The following PHYHIPL variants were observed in gnomAD, a reference collection of about 807,000 sequenced individuals.
PHYHIPL encodes phytanoyl-CoA 2-hydroxylase interacting protein like.
A neutral mutation model predicts 33.4 loss-of-function variants in PHYHIPL; 9 were observed. That is an observed-to-expected ratio of 0.27 (90% CI 0.16 to 0.47). PHYHIPL has a LOEUF of 0.47. Among genes scored for constraint, PHYHIPL ranks in the 20% least tolerant of loss-of-function variants. The pLI is 0.99. For synonymous variants in PHYHIPL, 153 were observed against 154.1 expected (o/e 0.99, Z 0.05); for missense variants, 365 against 460.7 (o/e 0.79, Z 1.90).
At chr10:59,193,059 T>C (rs1032370409) in intron 1 of PHYHIPL, among the ~76,000 whole-genome samples, 2 of 152,154 alleles carry the variant, frequency 1.3e-5, no homozygotes, top group African/African-American at 4.8e-5. Context: ...CAAGTGTTCT[T>C]CCTTCATCTT....
intron 1 of PHYHIPL, among the ~76,000 whole-genome samples, chr10:59,185,747 G>T (rs1838577068): frequency 6.6e-6 from 1 of 152,258 alleles, no homozygotes; most frequent in South Asian, 2.1e-4. Context: ...GTGTCTGTTG[G>T]CTGCGTAAAT....
intron 2 of PHYHIPL, among the ~76,000 whole-genome samples, chr10:59,234,838 A>C (rs1433443844): frequency 2.6e-5 from 4 of 151,854 alleles, no homozygotes; most frequent in Non-Finnish European, 4.4e-5. Flanking sequence ...ATCCAAAGAA[A>C]AGACTCATTT....
intron 1 of PHYHIPL, among the ~76,000 whole-genome samples, chr10:59,178,489 C>T (rs1321526025): frequency 6.6e-6 from 1 of 152,028 alleles, no homozygotes; most frequent in Non-Finnish European, 1.5e-5. Flanking sequence ...TATGAAATGA[C>T]TTTTTGTAAT....
intron 1 of PHYHIPL, among the ~76,000 whole-genome samples, chr10:59,191,390 A>G (rs1838780227): frequency 6.6e-6 from 1 of 151,954 alleles, no homozygotes; most frequent in Admixed American, 6.6e-5. Flanking sequence ...GCAACATTTG[A>G]TAAGGTTTTC....
intron 1 of PHYHIPL, among the ~76,000 whole-genome samples, chr10:59,196,916 G>T (rs1838938063): frequency 6.6e-6 from 1 of 152,166 alleles, no homozygotes; most frequent in African/African-American, 2.4e-5. Context: ...TTTCTTAAAT[G>T]CGTATTTTAA....
At chr10:59,235,582 GCAGT>G (rs1185358531) in intron 2 of PHYHIPL, among the ~76,000 whole-genome samples, 2 of 151,824 alleles carry the variant, frequency 1.3e-5, no homozygotes, top group Non-Finnish European at 2.9e-5. Flanking sequence ...GCAAGATTGA[GCAGT>G]CATTATTTTT....
intron 1 of PHYHIPL, among the ~76,000 whole-genome samples, chr10:59,194,080 G>GTTTTT (rs778292956): frequency 4.5e-5 from 5 of 111,484 alleles, no homozygotes; most frequent in African/African-American, 7.0e-5. Context: ...TTACCTATAT[G>GTTTTT]TTTTTTTTTT....
At chr10:59,208,713 A>G (rs1005547810) in intron 1 of PHYHIPL, among the ~76,000 whole-genome samples, 1 of 152,136 alleles carries the variant, frequency 6.6e-6, no homozygotes, top group Non-Finnish European at 1.5e-5. Context: ...TAGAATAACC[A>G]GTTTAGAGAA....
intron 4 of PHYHIPL, 89 bp downstream of exon 4, chr10:59,238,794 A>G (rs1327872903): frequency 1.5e-6 from 1 of 682,626 alleles, no homozygotes; most frequent in Non-Finnish European, 2.4e-6. Flanking sequence ...GTTTTGTCGA[A>G]TAGCAATTCT....
At chr10:59,189,898 T>G (rs2133197601) in intron 1 of PHYHIPL, among the ~76,000 whole-genome samples, 1 of 152,004 alleles carries the variant, frequency 6.6e-6, no homozygotes, top group Non-Finnish European at 1.5e-5. Flanking sequence ...ATGCATAGCA[T>G]TTGGTATTGC....
intron 1 of PHYHIPL, among the ~76,000 whole-genome samples, chr10:59,231,954 A>C (rs1031022943): frequency 6.6e-6 from 1 of 152,214 alleles, no homozygotes; most frequent in Non-Finnish European, 1.5e-5. Context: ...GAAAAGTTCT[A>C]TTAATAAAGT....
rs199854033 is a variant in PHYHIPL at position 59,180,255 on chromosome 10, T to TACAC, written c.106+3297_106+3298insCACA. ...GTGCTTTTCGTCTTTTAATCATATA[T>TACAC]ATACACACACACACACACACACATA... On this transcript the variant is annotated intron_variant, in intron 1 of 4. Transcript: ENST00000373880. 4.0e-3 allele frequency among the ~76,000 whole-genome samples: 424 copies of TACAC among 105,004 alleles called. 2 individuals carry two copies. Among genetic ancestry groups the TACAC allele is most frequent in the African/African-American group, 0.017 (385 of 22,794 alleles). 68.9% of individuals were successfully genotyped at this position (105,004 alleles called of 152,430 possible).
intron 1 of PHYHIPL, among the ~76,000 whole-genome samples, chr10:59,232,309 C>T (rs1372712434): frequency 6.6e-6 from 1 of 151,864 alleles, no homozygotes; most frequent in East Asian, 1.9e-4. Flanking sequence ...ACTAGTTAAT[C>T]TAGTGGTTTT....
intron 1 of PHYHIPL, among the ~76,000 whole-genome samples, chr10:59,228,002 T>C (rs2133272773): frequency 8.8e-6 from 1 of 114,114 alleles, no homozygotes; most frequent in South Asian, 3.1e-4. Flanking sequence ...TAAATAACAG[T>C]ATATAGAATT....
At chr10:59,196,711 C>T (rs1293148082) in intron 1 of PHYHIPL, among the ~76,000 whole-genome samples, 2 of 151,690 alleles carry the variant, frequency 1.3e-5, no homozygotes, top group African/African-American at 4.8e-5. Flanking sequence ...GCCACCGCGC[C>T]CGGCCAAGTA....
At position 59,239,843 on chromosome 10, in the gene PHYHIPL, A is replaced by G. The variant is rs188946791; in HGVS notation, c.596+1138A>G. Among the ~76,000 whole-genome samples the G allele has an allele frequency of 2.9e-5, 4 of 136,126 alleles. No homozygotes were observed. The East Asian group carries it at 8.9e-4, about 30-fold the overall frequency. The allele number at this position is 136,126 out of a possible 152,430, so 89.3% of individuals were successfully genotyped here. On this transcript the variant is annotated intron_variant, in intron 4 of 4. Transcript: ENST00000373880. The stretch of plus-strand genomic sequence containing the variant: ...TACACAGCATTCCCTATAATTTATC[A>G]TTTTAAAAGCTTCACTTCAGACTCT...
Position 59,246,521 on chromosome 10 carries a change from G to A in PHYHIPL, c.*930G>A, listed in dbSNP as rs529635532. ...AAATACAAACAAGGTTGGTACATGA[G>A]AGAAAATGTTGACCTTTTACTTCCT... On this transcript the variant is annotated 3_prime_UTR_variant, in exon 5 of 5. Transcript: ENST00000373880. 190 of 392,098 alleles carry A rather than the reference G, an allele frequency of 4.8e-4. No homozygotes were observed. The highest frequency in any genetic ancestry group is 3.6e-3 in the African/African-American group (173 of 48,616). The allele number at this position is 392,098 out of a possible 1,614,324, so 24.3% of individuals were successfully genotyped here. A position where few individuals can be genotyped will look rare whatever the true frequency, so the allele number is the denominator to read the frequency against.
intron 1 of PHYHIPL, among the ~76,000 whole-genome samples, chr10:59,180,346 A>ATATATATG (rs1838381347): frequency 9.9e-6 from 1 of 100,938 alleles, no homozygotes; most frequent in Non-Finnish European, 2.2e-5. Flanking sequence ...ATATATATAT[A>ATATATATG]TATATATATA....
chr10:59,240,596 G>A (rs1171049113), intron 4 of PHYHIPL, among the ~76,000 whole-genome samples: 1 of 151,810 alleles, frequency 6.6e-6, no homozygotes, highest in Non-Finnish European at 1.5e-5. Flanking sequence ...ACAATTGTAA[G>A]CCAAACCATC....
Sources: gnomAD v4.1 joint callset for allele counts (sites outside exome capture counted in the v4.1 genomes callset) on GRCh38, gnomAD v4.1.1 for gene constraint, MANE v1.5 for transcripts, NCBI Gene and HGNC (gene_info 2026-07-23, HGNC 2026-07-21) for gene names.